The following FGF12 variants were observed in gnomAD, a reference collection of about 807,000 sequenced individuals.
FGF12 encodes fibroblast growth factor 12.
In FGF12, 14 loss-of-function variants were observed where a neutral mutation model predicts 23.6. The ratio of observed to expected loss-of-function variants is 0.59; its 90% CI spans 0.39 to 0.93. FGF12 has a LOEUF of 0.93. Among genes scored for constraint, FGF12 ranks in the 40% least tolerant of loss-of-function variants. FGF12 has a pLI of 0.00. For missense variants in FGF12, 175 were observed against 217.8 expected, an observed-to-expected ratio of 0.80 and a Z score of 1.24; for synonymous variants, 62 against 77.3, an observed-to-expected ratio of 0.80 and a Z score of 1.04.
Position 192,661,061 on chromosome 3 carries a change from T to C in FGF12, c.13+66120A>G, listed in dbSNP as rs1476129344. 5.9e-5 allele frequency among the ~76,000 whole-genome samples: 9 copies of C among 151,994 alleles called. No homozygotes were observed. In the South Asian group the frequency reaches 1.5e-3, roughly 25 times the overall value. On this transcript the variant is annotated intron_variant, in intron 2 of 5. Transcript: ENST00000445105. ...TGGGTTCTCAAGTAAATACATGAAA[T>C]GGTACGCTTGTTAAGGTTAGGGATG...
intron 2 of FGF12, among the ~76,000 whole-genome samples, chr3:192,705,789 T>G (rs1577132046): frequency 6.6e-6 from 1 of 152,188 alleles, no homozygotes; most frequent in Non-Finnish European, 1.5e-5. Flanking sequence ...ATGCAACATC[T>G]GCAAAGTACA....
chr3:192,596,436 T>C (rs1406295855), intron 2 of FGF12, among the ~76,000 whole-genome samples: 4 of 152,136 alleles, frequency 2.6e-5, no homozygotes, highest in African/African-American at 4.8e-5. Context: ...GACTGTGGTT[T>C]CCTAAGCTTT....
chr3:192,526,737 G>A (rs1283969781), intron 2 of FGF12, among the ~76,000 whole-genome samples: 7 of 152,268 alleles, frequency 4.6e-5, no homozygotes, highest in Middle Eastern at 3.4e-3. Context: ...AACTTTACCC[G>A]AGTTGCAGAA....
At position 192,143,090 on chromosome 3, in the gene FGF12, T is replaced by G. The variant is rs897190893; in HGVS notation, c.*919A>C. 1 of 151,610 alleles carries G rather than the reference T, an allele frequency of 6.6e-6. No individual in the cohort carries two copies. Among genetic ancestry groups the G allele is most frequent in the Non-Finnish European group, 1.5e-5 (1 of 67,834 alleles). 9.4% of individuals were successfully genotyped at this position (151,610 alleles called of 1,614,324 possible). ...ACCTGAGACATTGCTTTGTGGATAC[T>G]CTCAAAGGTGTCCACAAAGCAAAAA... On this transcript the variant is annotated 3_prime_UTR_variant, in exon 6 of 6. Coordinates refer to ENST00000445105, the MANE Select transcript of FGF12 (RefSeq NM_004113.6).
chr3:192,379,250 A>G (rs1488333964), intron 2 of FGF12, among the ~76,000 whole-genome samples: 1 of 152,180 alleles, frequency 6.6e-6, no homozygotes, highest in Non-Finnish European at 1.5e-5. Flanking sequence ...TTCCCAAATG[A>G]CTGTGTGATA....
chr3:192,505,126 C>T (rs1280173799), intron 2 of FGF12, among the ~76,000 whole-genome samples: 2 of 152,020 alleles, frequency 1.3e-5, no homozygotes, highest in Non-Finnish European at 2.9e-5. Context: ...TTGGGAGAAT[C>T]TTTTGTAAAA....
chr3:192,194,449 T>C (rs909303514), intron 4 of FGF12, among the ~76,000 whole-genome samples: 3 of 152,214 alleles, frequency 2.0e-5, no homozygotes, highest in South Asian at 2.1e-4. Context: ...TAGAGTCTAA[T>C]TGACACTGAT....
At chr3:192,427,572 C>T (rs1015502456) in intron 2 of FGF12, among the ~76,000 whole-genome samples, 6 of 152,076 alleles carry the variant, frequency 3.9e-5, no homozygotes, top group African/African-American at 1.4e-4. Flanking sequence ...TAATTCTAAT[C>T]AATATGGTAG....
chr3:192,649,474 T>C (rs1716131143), intron 2 of FGF12, among the ~76,000 whole-genome samples: 1 of 152,204 alleles, frequency 6.6e-6, no homozygotes, highest in Non-Finnish European at 1.5e-5. Flanking sequence ...ATTCTTATTA[T>C]TATAACTTTG....
chr3:192,439,702 C>T (rs759337273), intron 2 of FGF12, among the ~76,000 whole-genome samples: 38 of 152,244 alleles, frequency 2.5e-4, no homozygotes, highest in South Asian at 6.2e-4. Context: ...CATGGCCAGG[C>T]GTGGTGGCTC....
chr3:192,312,716 C>T (rs1173118500), intron 4 of FGF12, among the ~76,000 whole-genome samples: 1 of 149,416 alleles, frequency 6.7e-6, no homozygotes, highest in Non-Finnish European at 1.5e-5. Context: ...AACTGCACTC[C>T]AGCCTGGGCA....
chr3:192,167,216 T>G (rs2108612843), intron 5 of FGF12, among the ~76,000 whole-genome samples: 1 of 151,130 alleles, frequency 6.6e-6, no homozygotes, highest in Middle Eastern at 3.5e-3. Context: ...CACCTAAGTG[T>G]GACTACCTGA....
intron 2 of FGF12, among the ~76,000 whole-genome samples, chr3:192,576,966 C>A (rs1309093140): frequency 6.6e-6 from 1 of 152,070 alleles, no homozygotes; most frequent in East Asian, 1.9e-4. Flanking sequence ...AACAGAGTAC[C>A]AAACACTGTA....
At chr3:192,341,338 T>C (rs1242358440) in intron 3 of FGF12, among the ~76,000 whole-genome samples, 2 of 152,174 alleles carry the variant, frequency 1.3e-5, no homozygotes, top group African/African-American at 4.8e-5. Context: ...TATATTTCTC[T>C]CTACAAGAAA....
intron 2 of FGF12, among the ~76,000 whole-genome samples, chr3:192,532,676 C>A (rs1033550413): frequency 2.6e-5 from 4 of 152,076 alleles, no homozygotes; most frequent in Admixed American, 6.6e-5. Context: ...ACTGTACACA[C>A]AACAATGACA....
rs974106174 is a variant in FGF12 at position 192,225,005 on chromosome 3, C to T, written c.229-54349G>A. 4.6e-5 allele frequency among the ~76,000 whole-genome samples: 7 copies of T among 152,064 alleles called. No individual in the cohort carries two copies. The East Asian group carries it at 1.3e-3, about 29-fold the overall frequency. On this transcript the variant is annotated intron_variant, in intron 4 of 5. Transcript: ENST00000445105. Reference sequence around the variant, plus strand: ...CAGGACTTAGCATTTCTTACCAGCACCTGCCTTGCCCATCCTTACTACAGG... The same window carrying T: ...CAGGACTTAGCATTTCTTACCAGCATCTGCCTTGCCCATCCTTACTACAGG...
intron 3 of FGF12, among the ~76,000 whole-genome samples, chr3:192,339,504 C>T (rs1717588410): frequency 6.6e-6 from 1 of 152,170 alleles, no homozygotes; most frequent in Admixed American, 6.5e-5. Flanking sequence ...GTCACCCTTT[C>T]CATCTGCTGT....
chr3:192,479,436 CTTCT>C (rs1270406710), intron 2 of FGF12, among the ~76,000 whole-genome samples: 1 of 152,166 alleles, frequency 6.6e-6, no homozygotes, highest in Admixed American at 6.5e-5. Flanking sequence ...ATTTAGTCAA[CTTCT>C]TTATTTCAGA....
chr3:192,268,672 A>G, intron 4 of FGF12: 1 of 446,182 alleles, frequency 2.2e-6, no homozygotes, highest in South Asian at 1.6e-5. Context: ...TTGCCTTGTC[A>G]TGATTGTAAG....
Sources: allele counts gnomAD v4.1 joint callset (sites outside exome capture counted in the v4.1 genomes callset), GRCh38; gene constraint gnomAD v4.1.1; transcripts MANE v1.5; gene names NCBI Gene and HGNC (gene_info 2026-07-23, HGNC 2026-07-21).